SOX6: variants seen among roughly 807,000 people sequenced by gnomAD.
The protein encoded by SOX6 is transcription factor SOX-6.
In SOX6, 11 loss-of-function variants were observed where a neutral mutation model predicts 97.8. The observed-to-expected ratio is 0.11, with a 90% CI of 0.07 to 0.19. SOX6 has a LOEUF of 0.19. Among genes scored for constraint, SOX6 ranks in the 10% least tolerant of loss-of-function variants. The pLI is 1.00. For missense variants in SOX6, 810 were observed against 1,039.5 expected (o/e 0.78, Z 3.04); for synonymous variants, 360 against 371.4 (o/e 0.97, Z 0.35).
At chr11:16,061,881 C>T (rs576619204) in intron 9 of SOX6, among the ~76,000 whole-genome samples, 35 of 151,782 alleles carry the variant, frequency 2.3e-4, no homozygotes, top group Admixed American at 7.2e-4. Context: ...TCCCCATATA[C>T]AAAAATCAAC....
chr11:16,733,984 G>A (rs1273172430), intron 2 of SOX6, among the ~76,000 whole-genome samples: 1 of 147,180 alleles, frequency 6.8e-6, no homozygotes, highest in Non-Finnish European at 1.5e-5. Context: ...CCAAGATCGT[G>A]CCACTGCACT....
chr11:16,444,850 G>A (rs1377760727), intron 1 of SOX6, among the ~76,000 whole-genome samples: 1 of 152,202 alleles, frequency 6.6e-6, no homozygotes, highest in Non-Finnish European at 1.5e-5. Context: ...GAAGAGTGAG[G>A]ATGAGGTCTG....
At chr11:16,471,200 C>T (rs917572669) in intron 1 of SOX6, among the ~76,000 whole-genome samples, 3 of 149,664 alleles carry the variant, frequency 2.0e-5, no homozygotes, top group African/African-American at 7.4e-5. Context: ...TAAGAACATG[C>T]AAAATAAGGC....
intron 2 of SOX6, among the ~76,000 whole-genome samples, chr11:16,340,567 T>C (rs1856598233): frequency 6.6e-6 from 1 of 152,214 alleles, no homozygotes; most frequent in East Asian, 1.9e-4. Context: ...AGAATGACCA[T>C]TAAAAGTGAT....
intron 3 of SOX6, among the ~76,000 whole-genome samples, chr11:16,669,553 T>C (rs1269363157): frequency 2.0e-5 from 3 of 152,208 alleles, no homozygotes; most frequent in African/African-American, 7.2e-5. Context: ...CCTCCAGCCA[T>C]ACCCGGCTGG....
In SOX6 at chr11:16,017,040, A is replaced by G. The variant is rs375675393; in HGVS notation, c.1624-1990T>C. Among the ~76,000 whole-genome samples the G allele has an allele frequency of 3.3e-5, 5 of 152,220 alleles. No individual in the cohort carries two copies. The East Asian group carries it at 7.7e-4, about 24-fold the overall frequency. On this transcript the variant is annotated intron_variant, in intron 12 of 15. Transcript: ENST00000683767. ...AATAAAATAAAGTTCCTGAAAGAAT[A>G]TCAATATTTTGACAAGGAAGGAGAA...
At chr11:16,377,236 T>C (rs902795370) in intron 1 of SOX6, among the ~76,000 whole-genome samples, 1 of 152,226 alleles carries the variant, frequency 6.6e-6, no homozygotes, top group South Asian at 2.1e-4. Flanking sequence ...AAATAAAAAC[T>C]GCAGGAACCA....
rs1848322177 is a variant in SOX6 at position 16,605,259 on chromosome 11, G to A, written n.609+6822C>T. Among the ~76,000 whole-genome samples the A allele has an allele frequency of 6.6e-6, 1 of 152,066 alleles. No individual in the cohort carries two copies. Among genetic ancestry groups the A allele is most frequent in the South Asian group, 2.1e-4 (1 of 4,834 alleles). The stretch of plus-strand genomic sequence containing the variant: ...CGCGGGGCGGGGAAGAAACGTGCCG[G>A]CGACCGTGCGCTCGGCCGGGTGACT... On this transcript the variant is annotated intron_variant and non_coding_transcript_variant, in intron 4 of 5. Coordinates refer to the SOX6 transcript ENST00000524520. This position sits in a 1 kb window ranked among gnomAD's most constrained non-coding sequence, Gnocchi z 5.3.
chr11:16,141,318 C>T (rs964320962), intron 6 of SOX6, among the ~76,000 whole-genome samples: 8 of 152,174 alleles, frequency 5.3e-5, no homozygotes, highest in East Asian at 1.9e-4. Context: ...CCTAAAAAGG[C>T]GATGAGACAA....
intron 4 of SOX6, among the ~76,000 whole-genome samples, chr11:16,548,815 A>T (rs748539134): frequency 1.3e-5 from 2 of 152,082 alleles, no homozygotes; most frequent in Non-Finnish European, 2.9e-5. Context: ...TTGCTAAAAG[A>T]CTATATTTTA....
chr11:16,597,988 C>G (rs1001472396), intron 4 of SOX6, among the ~76,000 whole-genome samples: 3 of 151,982 alleles, frequency 2.0e-5, no homozygotes, highest in Non-Finnish European at 4.4e-5. Flanking sequence ...GGGAAAGAAG[C>G]AAGTTATGTA....
At chr11:16,567,749 GTA>G (rs1847891048) in intron 4 of SOX6, among the ~76,000 whole-genome samples, 5 of 45,456 alleles carry the variant, frequency 1.1e-4, no homozygotes, top group Admixed American at 1.8e-4. Flanking sequence ...TTTTTTTTTT[GTA>G]TTTTTAGTAG....
intron 4 of SOX6, among the ~76,000 whole-genome samples, chr11:16,520,204 A>G (rs1281653523): frequency 6.6e-6 from 1 of 152,166 alleles, no homozygotes; most frequent in Non-Finnish European, 1.5e-5. Context: ...TAGTTTAATT[A>G]AGTTCCACTT....
intron 1 of SOX6, among the ~76,000 whole-genome samples, chr11:16,426,831 G>A (rs1160578694): frequency 2.0e-4 from 28 of 142,002 alleles, no homozygotes; most frequent in African/African-American, 4.9e-4. Context: ...GGAGAATGGC[G>A]TGAACCCGGG....
At chr11:16,037,852 T>TA (rs1309972434) in intron 12 of SOX6, among the ~76,000 whole-genome samples, 1 of 152,162 alleles carries the variant, frequency 6.6e-6, no homozygotes, top group Non-Finnish European at 1.5e-5. Flanking sequence ...GGCAATTATC[T>TA]ACAAGGATAA....
chr11:16,498,746 C>G (rs149061298), intron 4 of SOX6, among the ~76,000 whole-genome samples: 2 of 152,166 alleles, frequency 1.3e-5, no homozygotes, highest in Non-Finnish European at 2.9e-5. Flanking sequence ...ATCAATTCAA[C>G]AAAAAGAGCT....
At chr11:16,156,879 T>C (rs2134064161) in intron 6 of SOX6, among the ~76,000 whole-genome samples, 1 of 152,190 alleles carries the variant, frequency 6.6e-6, no homozygotes, top group Middle Eastern at 3.4e-3. Flanking sequence ...TTCTTACTTA[T>C]CCTTAACCTA....
At chr11:16,389,479 T>A (rs530411826) in intron 1 of SOX6, among the ~76,000 whole-genome samples, 94 of 152,296 alleles carry the variant, frequency 6.2e-4, no homozygotes, top group African/African-American at 2.2e-3. Context: ...ATTTTCTTAT[T>A]TCAGATATCG....
At chr11:16,114,258 C>T (rs1414003006) in intron 6 of SOX6, among the ~76,000 whole-genome samples, 1 of 152,094 alleles carries the variant, frequency 6.6e-6, no homozygotes, top group Non-Finnish European at 1.5e-5. Context: ...TACTAGGTGC[C>T]TCTAAAGGCC....
Sources: allele counts gnomAD v4.1 joint callset (sites outside exome capture counted in the v4.1 genomes callset), GRCh38; gene constraint gnomAD v4.1.1; non-coding constraint Gnocchi (gnomAD v3.1); transcripts MANE v1.5; gene names NCBI Gene and HGNC (gene_info 2026-07-23, HGNC 2026-07-21).